Variants in NCALD observed in about 807,000 individuals in gnomAD.
NCALD encodes neurocalcin delta.
A neutral mutation model predicts 18.6 loss-of-function variants in NCALD; 10 were observed. The observed-to-expected ratio is 0.54, with a 90% confidence interval of 0.33 to 0.91. The LOEUF is 0.91. Among genes scored for constraint, NCALD ranks in the 40% least tolerant of loss-of-function variants. NCALD has a pLI of 0.03. For missense variants in NCALD, 184 were observed against 247.6 expected (o/e 0.74, Z 1.72); for synonymous variants, 88 against 87.4 (o/e 1.01, Z -0.04).
At chr8:101,904,892 T>C (rs961772827) in intron 3 of NCALD, among the ~76,000 whole-genome samples, 1 of 152,218 alleles carries the variant, frequency 6.6e-6, no homozygotes, top group African/African-American at 2.4e-5. Context: ...GGGACCAGGA[T>C]GGTCTATCTG....
intron 1 of NCALD, among the ~76,000 whole-genome samples, chr8:101,746,887 T>A (rs77515230): frequency 6.6e-6 from 1 of 152,280 alleles, no homozygotes; most frequent in East Asian, 1.9e-4. Flanking sequence ...ATATCTGGGA[T>A]GCCATGCTAC....
chr8:101,713,721 A>G (rs1186554945), intron 2 of NCALD, among the ~76,000 whole-genome samples: 2 of 152,204 alleles, frequency 1.3e-5, no homozygotes, highest in African/African-American at 4.8e-5. Flanking sequence ...CCCTCCAAAG[A>G]CTAAACCAGG....
intron 1 of NCALD, among the ~76,000 whole-genome samples, chr8:102,116,911 C>T (rs919622754): frequency 1.3e-5 from 2 of 152,198 alleles, no homozygotes; most frequent in South Asian, 2.1e-4. Context: ...TTCTGGATCA[C>T]GCAGCTGGGT....
At chr8:101,993,275 A>T (rs527633458) in intron 2 of NCALD, among the ~76,000 whole-genome samples, 22 of 151,982 alleles carry the variant, frequency 1.4e-4, no homozygotes, top group Non-Finnish European at 2.9e-4. Context: ...ACCCCAAATT[A>T]CAAATATCAT....
chr8:101,704,833 T>C (rs890074382), intron 2 of NCALD, among the ~76,000 whole-genome samples: 4 of 151,676 alleles, frequency 2.6e-5, no homozygotes, highest in Non-Finnish European at 4.4e-5. Flanking sequence ...GGCAGAAGAA[T>C]AGCTTGAACC....
intron 4 of NCALD, among the ~76,000 whole-genome samples, chr8:101,857,561 A>T (rs1269632823): frequency 6.6e-6 from 1 of 152,160 alleles, no homozygotes; most frequent in East Asian, 1.9e-4. Flanking sequence ...AGCACCTTTG[A>T]TTTGCTCTGC....
At chr8:101,777,048 G>A (rs1284621250) in intron 1 of NCALD, among the ~76,000 whole-genome samples, 1 of 152,100 alleles carries the variant, frequency 6.6e-6, no homozygotes, top group Admixed American at 6.5e-5. Flanking sequence ...ACATGTCCCA[G>A]TTTGCCACTG....
At chr8:102,021,999 T>G (rs1822292337) in intron 1 of NCALD, among the ~76,000 whole-genome samples, 1 of 152,140 alleles carries the variant, frequency 6.6e-6, no homozygotes, top group African/African-American at 2.4e-5. Flanking sequence ...TTAGATGATG[T>G]ATTTGTACAG....
At chr8:101,848,318 A>C (rs1362159588) in intron 4 of NCALD, among the ~76,000 whole-genome samples, 1 of 152,162 alleles carries the variant, frequency 6.6e-6, no homozygotes, top group African/African-American at 2.4e-5. Flanking sequence ...AAAGGTGGAA[A>C]GTGAAGTGGC....
rs371646211 is a variant in NCALD at position 102,005,287 on chromosome 8, T to C, written c.-157+14950A>G. The stretch of plus-strand genomic sequence containing the variant: ...AGACACATGAAAAAATGCTCATCAT[T>C]ACTGGCCATCAGAGAAATGCAAATC... On this transcript the variant is annotated intron_variant, in intron 2 of 6. Coordinates refer to the NCALD transcript ENST00000311028. Among the ~76,000 whole-genome samples, 14 of 152,306 alleles carry C rather than the reference T, an allele frequency of 9.2e-5. No homozygotes were observed. The East Asian group carries it at 2.1e-3, about 23-fold the overall frequency.
intron 4 of NCALD, among the ~76,000 whole-genome samples, chr8:101,828,228 T>C (rs1044330878): frequency 1.3e-5 from 2 of 152,152 alleles, no homozygotes; most frequent in African/African-American, 2.4e-5. Context: ...GGCCTCTGCA[T>C]GGAAGGAACC....
intron 3 of NCALD, among the ~76,000 whole-genome samples, chr8:101,887,499 T>A (rs796760150): frequency 6.6e-6 from 1 of 152,176 alleles, no homozygotes; most frequent in African/African-American, 2.4e-5. Context: ...TCTGGACAGA[T>A]GCTACGCAGG....
At chr8:101,898,425 T>A (rs901185584) in intron 3 of NCALD, among the ~76,000 whole-genome samples, 6 of 152,124 alleles carry the variant, frequency 3.9e-5, no homozygotes, top group Non-Finnish European at 7.3e-5. Flanking sequence ...TTAATCTAGG[T>A]ACGTGTTTTG....
At chr8:101,854,721 C>T (rs934061234) in intron 4 of NCALD, among the ~76,000 whole-genome samples, 3 of 152,096 alleles carry the variant, frequency 2.0e-5, no homozygotes, top group South Asian at 2.1e-4. Context: ...GCTAACACAC[C>T]GATTATCCTA....
chr8:101,688,262 A>G lies in NCALD; in HGVS notation c.*1047T>C, dbSNP rs1380978765. 1 of 189,502 alleles carries G rather than the reference A, an allele frequency of 5.3e-6. No individual in the cohort carries two copies. Among genetic ancestry groups the G allele is most frequent in the African/African-American group, 2.4e-5 (1 of 42,334 alleles). 11.7% of individuals were successfully genotyped at this position (189,502 alleles called of 1,614,324 possible). On this transcript the variant is annotated 3_prime_UTR_variant, in exon 4 of 4. Coordinates refer to ENST00000220931, the MANE Select transcript of NCALD (RefSeq NM_032041.3). ...TGTGCTCCAATTGTCCTGTCCCACT[A>G]CCACCTGCTCTGCATCTGCCCTCTA...
At chr8:101,879,351 G>A (rs1816374194) in intron 4 of NCALD, among the ~76,000 whole-genome samples, 1 of 152,214 alleles carries the variant, frequency 6.6e-6, no homozygotes, top group East Asian at 1.9e-4. Flanking sequence ...CTTCAGCAGT[G>A]AAGCTGCAGA....
intron 3 of NCALD, among the ~76,000 whole-genome samples, chr8:101,901,112 C>T (rs1817404647): frequency 6.6e-6 from 1 of 151,758 alleles, no homozygotes; most frequent in Admixed American, 6.5e-5. Flanking sequence ...TCTCTCTGTC[C>T]TTGGTAATTT....
chr8:102,072,715 A>T (rs899146101), intron 1 of NCALD, among the ~76,000 whole-genome samples: 15 of 152,212 alleles, frequency 9.9e-5, no homozygotes, highest in African/African-American at 3.6e-4. Flanking sequence ...AGGAGCTGAC[A>T]ATTTACATAA....
At chr8:102,050,790 AATTTTTAATTTAATTAATTTAATC>A (rs1034704743) in intron 1 of NCALD, among the ~76,000 whole-genome samples, 46 of 145,454 alleles carry the variant, frequency 3.2e-4, no homozygotes, top group South Asian at 6.5e-4. Context: ...TTAATTAACT[AATTTTTAATTTAATTAATTTAATC>A]ATTTTTAATT....
Sources: gnomAD v4.1 joint callset for allele counts (sites outside exome capture counted in the v4.1 genomes callset) on GRCh38, gnomAD v4.1.1 for gene constraint, MANE v1.5 for transcripts, NCBI Gene and HGNC (gene_info 2026-07-23, HGNC 2026-07-21) for gene names.